Variants in APP observed in about 807,000 individuals in gnomAD.
APP encodes the protein amyloid-beta precursor protein.
In APP, 31 loss-of-function variants were observed where a neutral mutation model predicts 101.4. The ratio of observed to expected loss-of-function variants is 0.31; its 90% CI spans 0.23 to 0.41. The LOEUF (loss-of-function observed/expected upper bound fraction) is 0.41. APP is among the 10% of genes least tolerant of loss of function. APP has a pLI of 1.00. For synonymous variants in APP, 366 were observed against 364.4 expected, an observed-to-expected ratio of 1.00 and a Z score of -0.05; for missense variants, 839 against 1,003.7, an observed-to-expected ratio of 0.84 and a Z score of 2.22.
rs993606451 is a variant in APP, at chr21:26,089,651, C to T, written c.355+292G>A. The T allele has an allele frequency of 1.5e-5, 4 of 266,480 alleles. No homozygotes were observed. The South Asian group carries it at 1.8e-4, about 12-fold the overall frequency. 16.5% of individuals were successfully genotyped at this position (266,480 alleles called of 1,614,324 possible). A position where few individuals can be genotyped will look rare whatever the true frequency, so the allele number is the denominator to read the frequency against. ...TGCGATACGGTAAAATAAGAATTCC[C>T]GGATCCGCTACTATAGGCATTTTTC... On this transcript the variant is annotated intron_variant, in intron 3 of 17. Transcript: ENST00000346798.
In APP at chr21:25,881,709, T is replaced by G; in HGVS notation, c.2274A>C (p.Glu758Asp). The G allele has an allele frequency of 6.2e-7, 1 of 1,614,074 alleles. No homozygotes were observed. Among genetic ancestry groups the G allele is most frequent in the Non-Finnish European group, 8.5e-7 (1 of 1,180,028 alleles). The change falls in exon 18 of 18, where the codon GAA (glutamate) becomes GAC (aspartate). Residue 758 changes from glutamate to aspartate, a missense_variant. Coordinates refer to ENST00000346798, the MANE Select transcript of APP (RefSeq NM_000484.4). ...HLSKMQQNGY[E>D]NPTYKFFEQM... ...GCTCAAAGAACTTGTAGGTTGGATTTTCGTAGCCGTTCTGCTGCATCTTGG... is the reference window on the plus strand; with the variant it reads ...GCTCAAAGAACTTGTAGGTTGGATTGTCGTAGCCGTTCTGCTGCATCTTGG...
intron 11 of APP, among the ~76,000 whole-genome samples, chr21:25,969,921 GAAAA>G (rs1568781923): frequency 2.9e-5 from 4 of 136,156 alleles, no homozygotes; most frequent in South Asian, 2.5e-4. Flanking sequence ...GAGGGGAAGA[GAAAA>G]GGAAAGGAAA....
In APP at chr21:26,035,260, T is replaced by C. The variant is rs569608675; in HGVS notation, c.663-13218A>G. ...CCAGCCTAGGTGACAGAGCAGGACC[T>C]TGTCTCCAAAAAACAGAATGATCAA... On this transcript the variant is annotated intron_variant, in intron 5 of 17. Transcript: ENST00000346798. Among the ~76,000 whole-genome samples, 24 of 152,204 alleles carry C rather than the reference T, an allele frequency of 1.6e-4. No homozygotes were observed. In the South Asian group the frequency reaches 4.8e-3, roughly 30 times the overall value.
intron 3 of APP, among the ~76,000 whole-genome samples, chr21:26,067,244 CATT>C (rs1214472240): frequency 6.6e-6 from 1 of 152,162 alleles, no homozygotes; most frequent in African/African-American, 2.4e-5. Flanking sequence ...AAATAATTAT[CATT>C]AAGACATTCT....
intron 2 of APP, among the ~76,000 whole-genome samples, chr21:26,107,882 TTA>T (rs1169468046): frequency 6.6e-6 from 1 of 152,150 alleles, no homozygotes; most frequent in East Asian, 1.9e-4. Context: ...TCCAAAGACA[TTA>T]TGTCTGAGGA....
intron 1 of APP, among the ~76,000 whole-genome samples, chr21:26,152,298 A>AAAAACAAACAAAC (rs1221393237): frequency 3.3e-5 from 5 of 149,676 alleles, no homozygotes; most frequent in African/African-American, 1.2e-4. Flanking sequence ...AAAAAAAAAA[A>AAAAACAAACAAAC]AAAAAAAAAT....
intron 9 of APP, 57 bp from the exon 10 acceptor site, chr21:25,976,085 AC>A: frequency 7.3e-7 from 1 of 1,361,002 alleles, no homozygotes; most frequent in Non-Finnish European, 1.0e-6. Flanking sequence ...TTGAATACAG[AC>A]TTAATAGGAT....
intron 13 of APP, among the ~76,000 whole-genome samples, chr21:25,939,112 T>C (rs1356161983): frequency 6.6e-6 from 1 of 152,246 alleles, no homozygotes; most frequent in Non-Finnish European, 1.5e-5. Flanking sequence ...TTTCACAGTT[T>C]CTGATTTTGA....
chr21:25,975,265 T>A (rs1375093245), intron 10 of APP, 37 bp from the exon 11 acceptor site: 2 of 1,613,836 alleles, frequency 1.2e-6, no homozygotes, highest in South Asian at 1.1e-5. Flanking sequence ...GGGGACTGAA[T>A]AAGTAGGATG....
chr21:26,032,533 G>A (rs770177083), intron 5 of APP, among the ~76,000 whole-genome samples: 34 of 152,076 alleles, frequency 2.2e-4, no homozygotes, highest in Non-Finnish European at 3.8e-4. Flanking sequence ...AGGCTGCTGT[G>A]ACTTGGTTTC....
rs539647207 is a variant in APP at position 25,959,876 on chromosome 21, CAT to C, written c.1459-4123_1459-4122del. ...GGTAATTAAATGGTGAATGTATTCA[CAT>C]GTTTTCAATTGCTGATCTCATTTAA... On this transcript the variant is annotated intron_variant, in intron 11 of 17. Coordinates refer to ENST00000346798, the MANE Select transcript of APP (RefSeq NM_000484.4). Among the ~76,000 whole-genome samples the C allele has an allele frequency of 5.3e-4, 80 of 152,308 alleles. 1 individual carries two copies. In the South Asian group the frequency reaches 0.015, roughly 29 times the overall value.
intron 2 of APP, among the ~76,000 whole-genome samples, chr21:26,092,700 A>C (rs1042571468): frequency 6.6e-6 from 1 of 152,178 alleles, no homozygotes; most frequent in Non-Finnish European, 1.5e-5. Context: ...ATGATGTATC[A>C]ATGTTGGTTC....
intron 17 of APP, among the ~76,000 whole-genome samples, chr21:25,889,053 C>T (rs1297947557): frequency 2.6e-5 from 4 of 152,150 alleles, no homozygotes; most frequent in Non-Finnish European, 5.9e-5. Flanking sequence ...GAAGGAGCTC[C>T]AGGTGGAGGC....
intron 9 of APP, among the ~76,000 whole-genome samples, chr21:25,977,867 C>CT (rs1391413801): frequency 6.6e-5 from 10 of 152,298 alleles, no homozygotes; most frequent in Middle Eastern, 3.4e-3. Context: ...GGAAGACCAT[C>CT]TTTGCTTTAT....
chr21:25,983,443 T>C (rs974527937), intron 8 of APP, among the ~76,000 whole-genome samples: 1 of 152,218 alleles, frequency 6.6e-6, no homozygotes, highest in Non-Finnish European at 1.5e-5. Context: ...ATTACCTGTG[T>C]ATTACATTTG....
At chr21:26,151,289 T>G (rs1354750425) in intron 1 of APP, among the ~76,000 whole-genome samples, 3 of 152,198 alleles carry the variant, frequency 2.0e-5, no homozygotes, top group Admixed American at 6.5e-5. Flanking sequence ...ATGGCTCCAG[T>G]AAACTGAAAT....
intron 3 of APP, among the ~76,000 whole-genome samples, chr21:26,069,201 AATAG>A (rs1333078840): frequency 6.6e-6 from 1 of 152,168 alleles, no homozygotes; most frequent in Non-Finnish European, 1.5e-5. Flanking sequence ...CCACTTTCTC[AATAG>A]ATACTTATCG....
intron 1 of APP, among the ~76,000 whole-genome samples, chr21:26,126,958 A>G (rs1045532560): frequency 1.3e-5 from 2 of 149,540 alleles, no homozygotes; most frequent in Admixed American, 1.3e-4. Flanking sequence ...TACAAAATAC[A>G]GCCTCCCTTC....
At chr21:26,009,952 TAAA>T (rs376414718) in intron 6 of APP, 11 of 148,438 alleles carry the variant, frequency 7.4e-5, no homozygotes, top group South Asian at 3.9e-4. Flanking sequence ...TGTTCCGGTT[TAAA>T]AAAAAAAAAA....
Sources: gnomAD v4.1 joint callset for allele counts (sites outside exome capture counted in the v4.1 genomes callset) on GRCh38, gnomAD v4.1.1 for gene constraint, MANE v1.5 for transcripts, NCBI Gene and HGNC (gene_info 2026-07-23, HGNC 2026-07-21) for gene names.